NXPE4: variants seen among roughly 807,000 people sequenced by gnomAD.
NXPE4 encodes the protein NXPE family member 4.
Under a neutral mutation model 33.3 loss-of-function variants are expected in NXPE4, and 42 were observed. The ratio of observed to expected loss-of-function variants is 1.26; its 90% CI spans 0.98 to 1.63. NXPE4 has a LOEUF of 1.63. Among genes scored for constraint, NXPE4 ranks in the 40% most tolerant of loss-of-function variants. The pLI, the probability that NXPE4 is intolerant of heterozygous loss-of-function variation, is 0.00. For missense variants in NXPE4, 709 were observed against 647.6 expected, an observed-to-expected ratio of 1.09 and a Z score of -1.03; for synonymous variants, 253 against 234.9, an observed-to-expected ratio of 1.08 and a Z score of -0.71.
the NXPE4 span, among the ~76,000 whole-genome samples, chr11:114,622,671 T>C: frequency 1.3e-5 from 2 of 152,020 alleles, no homozygotes; most frequent in Admixed American, 6.6e-5. Context: ...ACCCGGTGGA[T>C]AATAAATGTT....
chr11:114,641,512 T>C, the NXPE4 span, among the ~76,000 whole-genome samples: 1 of 151,956 alleles, frequency 6.6e-6, no homozygotes, highest in Non-Finnish European at 1.5e-5. Flanking sequence ...CCAAATTATA[T>C]TGAGAGGGAA....
chr11:114,577,806 TCTTTAAATTCC>T (rs1949047917), intron 5 of NXPE4, among the ~76,000 whole-genome samples: 1 of 152,192 alleles, frequency 6.6e-6, no homozygotes, highest in Admixed American at 6.5e-5. Flanking sequence ...CCCCAGCCAC[TCTTTAAATTCC>T]CTCAAGACTG....
At chr11:114,648,367 A>G in the NXPE4 span, among the ~76,000 whole-genome samples, 9,008 of 152,270 alleles carry the variant, frequency 0.059, 350 homozygotes, top group East Asian at 0.088. Flanking sequence ...ACAAAAACCC[A>G]TATCTCAGTG....
chr11:114,575,235 A>C (rs1205585874), intron 5 of NXPE4, among the ~76,000 whole-genome samples: 1 of 152,156 alleles, frequency 6.6e-6, no homozygotes, highest in Non-Finnish European at 1.5e-5. Flanking sequence ...AGCCAACATA[A>C]TACTGAATGG....
intron 5 of NXPE4, among the ~76,000 whole-genome samples, chr11:114,577,024 T>TAC (rs1565329172): frequency 4.8e-5 from 1 of 20,952 alleles, no homozygotes; most frequent in Admixed American, 4.8e-4. Flanking sequence ...TATATATATA[T>TAC]ATACATATAT....
At chr11:114,637,028 CTG>C in the NXPE4 span, among the ~76,000 whole-genome samples, 11 of 152,068 alleles carry the variant, frequency 7.2e-5, no homozygotes, top group Non-Finnish European at 7.4e-5. Flanking sequence ...TGTTGACTTT[CTG>C]TCTCATTGAT....
At chr11:114,629,102 A>G in the NXPE4 span, among the ~76,000 whole-genome samples, 2 of 152,090 alleles carry the variant, frequency 1.3e-5, no homozygotes, top group African/African-American at 4.8e-5. Context: ...TACAAGGAGG[A>G]ACTGGTACCA....
chr11:114,593,647 T>C (rs1445239414), intron 2 of NXPE4, among the ~76,000 whole-genome samples: 2 of 152,088 alleles, frequency 1.3e-5, no homozygotes, highest in Non-Finnish European at 2.9e-5. Context: ...TAGGCTACCA[T>C]ATGATCCAGC....
chr11:114,602,353 A>T, the NXPE4 span, among the ~76,000 whole-genome samples: 15 of 126,524 alleles, frequency 1.2e-4, no homozygotes, highest in Admixed American at 5.7e-4. Context: ...AACATATACT[A>T]TATATAATAT....
At chr11:114,613,472 G>T in the NXPE4 span, among the ~76,000 whole-genome samples, 2 of 151,818 alleles carry the variant, frequency 1.3e-5, no homozygotes, top group Non-Finnish European at 2.9e-5. Context: ...TGCATAATAA[G>T]TATTGCCTCG....
At chr11:114,666,466 A>C in the NXPE4 span, among the ~76,000 whole-genome samples, 1 of 152,190 alleles carries the variant, frequency 6.6e-6, no homozygotes. Context: ...GTGTATCCTC[A>C]CATCAGTATT....
rs772918379 is a variant in NXPE4 at position 114,594,660 on chromosome 11, C to G, written c.96+4G>C. On this transcript the variant is annotated splice_donor_region_variant and intron_variant, in intron 2 of 5. Transcript: ENST00000375478. The stretch of plus-strand genomic sequence containing the variant: ...GTAAACCACATAAATAAAGCATTTC[C>G]TACCTTTGTGGAGTTCTGGAAAACT... The G allele has an allele frequency of 1.5e-5, 23 of 1,577,348 alleles. No individual in the cohort carries two copies. Among genetic ancestry groups the G allele is most frequent in the Non-Finnish European group, 1.5e-5 (17 of 1,151,298 alleles).
At chr11:114,593,648 A>G (rs2135295196) in intron 2 of NXPE4, among the ~76,000 whole-genome samples, 1 of 152,246 alleles carries the variant, frequency 6.6e-6, no homozygotes, top group African/African-American at 2.4e-5. Context: ...AGGCTACCAT[A>G]TGATCCAGCA....
At chr11:114,615,085 A>G in the NXPE4 span, among the ~76,000 whole-genome samples, 1 of 151,940 alleles carries the variant, frequency 6.6e-6, no homozygotes, top group Middle Eastern at 3.2e-3. Context: ...TACCCTGTGG[A>G]AAATAAGTGT....
chr11:114,629,088 G>C, the NXPE4 span, among the ~76,000 whole-genome samples: 1 of 152,036 alleles, frequency 6.6e-6, no homozygotes, highest in Non-Finnish European at 1.5e-5. Flanking sequence ...AATTCTACCA[G>C]AGGTACAAGG....
the NXPE4 span, among the ~76,000 whole-genome samples, chr11:114,613,899 C>T: frequency 1.3e-5 from 2 of 151,958 alleles, no homozygotes; most frequent in Admixed American, 1.3e-4. Context: ...AGTGTTGCCT[C>T]GTGGGTAACC....
Position 114,580,318 on chromosome 11 carries a change from C to T in NXPE4, c.913G>A (p.Glu305Lys), listed in dbSNP as rs763436480. 5.0e-6 allele frequency: 8 copies of T among 1,613,938 alleles called. No individual in the cohort carries two copies. Among genetic ancestry groups the T allele is most frequent in the Non-Finnish European group, 6.8e-6 (8 of 1,179,906 alleles). The change falls in exon 5 of 6, where the codon GAG becomes AAG. Residue 305 changes from glutamate (E) to lysine (K), a missense_variant. By Grantham distance (56) the Glu-to-Lys change is moderately conservative (BLOSUM62 1). Transcript: ENST00000375478. ...KCNKETVAMKEKCKFGMTSTI... is the reference protein window; with the variant it reads ...KCNKETVAMKKKCKFGMTSTI... ...GATGTCATTCCAAACTTGCATTTCTCTTTCATTGCAACTGTTTCTTCTGCC... is the reference window on the plus strand; with the variant it reads ...GATGTCATTCCAAACTTGCATTTCTTTTTCATTGCAACTGTTTCTTCTGCC...
chr11:114,588,625 G>C (rs993840815), intron 2 of NXPE4, among the ~76,000 whole-genome samples: 1 of 152,110 alleles, frequency 6.6e-6, no homozygotes, highest in East Asian at 1.9e-4. Flanking sequence ...TGACAACCTT[G>C]TTTGGAACCC....
intron 2 of NXPE4, among the ~76,000 whole-genome samples, chr11:114,592,710 C>T (rs1949486411): frequency 6.6e-6 from 1 of 152,042 alleles, no homozygotes; most frequent in African/African-American, 2.4e-5. Context: ...AAAGAAGATC[C>T]AGAATAGCCA....
Sources: gnomAD v4.1 joint callset for allele counts (sites outside exome capture counted in the v4.1 genomes callset) on GRCh38, gnomAD v4.1.1 for gene constraint, MANE v1.5 for transcripts, NCBI Gene and HGNC (gene_info 2026-07-23, HGNC 2026-07-21) for gene names.